DDX1: variants seen among roughly 807,000 people sequenced by gnomAD.
The protein encoded by DDX1 is DEAD-box helicase 1.
A neutral mutation model predicts 108.7 loss-of-function variants in DDX1; 28 were observed. The observed-to-expected ratio is 0.26, with a 90% CI of 0.19 to 0.35. The LOEUF (loss-of-function observed/expected upper bound fraction) is 0.35. Among genes scored for constraint, DDX1 ranks in the 10% least tolerant of loss-of-function variants. The pLI is 1.00. For missense variants in DDX1, 710 were observed against 884.5 expected (o/e 0.80, Z 2.50); for synonymous variants, 295 against 288.9 (o/e 1.02, Z -0.21).
At chr2:15,597,950 T>G (rs951628170) in intron 5 of DDX1, among the ~76,000 whole-genome samples, 1 of 152,154 alleles carries the variant, frequency 6.6e-6, no homozygotes, top group Non-Finnish European at 1.5e-5. Flanking sequence ...TTGTTTCTTA[T>G]GTGCAGTCCT....
chr2:15,605,715 A>G (rs7575749), intron 10 of DDX1, among the ~76,000 whole-genome samples: 100,203 of 152,026 alleles, frequency 0.66, 34,090 homozygotes, highest in East Asian at 0.89. Flanking sequence ...ATATGCTTTG[A>G]AATGTCTAAT....
At chr2:15,625,614 A>G (rs1666088181) in intron 19 of DDX1, among the ~76,000 whole-genome samples, 1 of 152,162 alleles carries the variant, frequency 6.6e-6, no homozygotes, top group Admixed American at 6.5e-5. Context: ...TAATTGTTGA[A>G]TCTAGGTGGT....
At chr2:15,619,802 A>G (rs1450701665) in intron 16 of DDX1, among the ~76,000 whole-genome samples, 1 of 152,190 alleles carries the variant, frequency 6.6e-6, no homozygotes, top group African/African-American at 2.4e-5. Context: ...GATTATTAGT[A>G]CTGTTGCCTG....
intron 18 of DDX1, among the ~76,000 whole-genome samples, chr2:15,622,891 A>G (rs1287057878): frequency 6.6e-6 from 1 of 152,194 alleles, no homozygotes; most frequent in Non-Finnish European, 1.5e-5. Flanking sequence ...ACAGCTTCAC[A>G]CTGAAAAATA....
chr2:15,610,887 T>A (rs1665740716), intron 13 of DDX1, among the ~76,000 whole-genome samples: 1 of 151,776 alleles, frequency 6.6e-6, no homozygotes, highest in Admixed American at 6.6e-5. Context: ...TTTTATTTTT[T>A]AATTTATTTA....
At chr2:15,606,950 A>G (rs1266279891) in intron 12 of DDX1, among the ~76,000 whole-genome samples, 1 of 152,170 alleles carries the variant, frequency 6.6e-6, no homozygotes, top group African/African-American at 2.4e-5. Context: ...GGGCCGCCCA[A>G]AGTGCTAGGA....
intron 5 of DDX1, 30 bp downstream of exon 5, chr2:15,597,501 A>G: frequency 5.1e-6 from 7 of 1,382,448 alleles, no homozygotes; most frequent in Non-Finnish European, 7.1e-6. Context: ...ATTTCCTTTT[A>G]TATAAATCAT....
Position 15,627,035 on chromosome 2 carries a change from T to C in DDX1, c.1595-19T>C. The C allele has an allele frequency of 1.3e-6, 2 of 1,548,606 alleles. No homozygotes were observed. The highest frequency in any genetic ancestry group is 1.8e-6 in the Non-Finnish European group (2 of 1,128,454). ...CAGAAGATTTTCCAAGGTTAAATGC[T>C]TAATGTGCTTTTCACTAGGACCTGA... On this transcript the variant is annotated intron_variant, in intron 19 of 25. Coordinates refer to ENST00000233084, the MANE Select transcript of DDX1 (RefSeq NM_004939.3).
intron 13 of DDX1, among the ~76,000 whole-genome samples, chr2:15,610,423 TAG>T (rs1470027006): frequency 2.0e-5 from 3 of 152,252 alleles, no homozygotes; most frequent in Non-Finnish European, 4.4e-5. Context: ...GTGATACATT[TAG>T]AGTTAATTTC....
chr2:15,615,587 G>A lies in DDX1; in HGVS notation c.1018-1657G>A, dbSNP rs558137059. 1.2e-3 allele frequency among the ~76,000 whole-genome samples: 176 copies of A among 152,294 alleles called. 1 individual carries two copies. The South Asian group carries it at 0.013, about 11-fold the overall frequency. On this transcript the variant is annotated intron_variant, in intron 14 of 25. Coordinates refer to ENST00000233084, the MANE Select transcript of DDX1 (RefSeq NM_004939.3). ...CAGTGCAGATGAAACAATAGCTTCA[G>A]AAATGTCTGCTTTATTTTTCATGGG...
chr2:15,612,407 A>T (rs1033397300), intron 13 of DDX1, among the ~76,000 whole-genome samples: 3 of 142,352 alleles, frequency 2.1e-5, no homozygotes, highest in Admixed American at 2.1e-4. Flanking sequence ...CCTAGATGGG[A>T]TGGCGGCCGG....
intron 13 of DDX1, among the ~76,000 whole-genome samples, chr2:15,611,439 C>T (rs1246725234): frequency 6.8e-6 from 1 of 147,842 alleles, no homozygotes; most frequent in African/African-American, 2.6e-5. Context: ...CAGAGGGGCT[C>T]CTCACCTCCC....
chr2:15,631,070 G>C lies in DDX1; in HGVS notation c.*164G>C. On this transcript the variant is annotated 3_prime_UTR_variant, in exon 26 of 26. Transcript: ENST00000233084. ...AGTCTTAGGAATTCTTCAAAAAATG[G>C]CATCCCAATGAAAATAAATTTGATG... is the stretch of plus-strand genomic sequence containing the variant. The C allele has an allele frequency of 1.9e-6, 1 of 535,970 alleles. No homozygotes were observed. Among genetic ancestry groups the C allele is most frequent in the Non-Finnish European group, 3.0e-6 (1 of 329,438 alleles). The allele number at this position is 535,970 out of a possible 1,614,324, so 33.2% of individuals were successfully genotyped here.
intron 20 of DDX1, among the ~76,000 whole-genome samples, chr2:15,628,123 TTC>T (rs1377045744): frequency 6.6e-6 from 1 of 152,206 alleles, no homozygotes; most frequent in East Asian, 1.9e-4. Flanking sequence ...GTACATTGTA[TTC>T]TGTTTTGTCT....
At chr2:15,616,808 A>G (rs1024651413) in intron 14 of DDX1, among the ~76,000 whole-genome samples, 2 of 152,198 alleles carry the variant, frequency 1.3e-5, no homozygotes, top group African/African-American at 2.4e-5. Flanking sequence ...TTATCTCTTA[A>G]TTATCACAAC....
Position 15,613,886 on chromosome 2 carries a change from G to A in DDX1, c.1017+602G>A, listed in dbSNP as rs868205490. ...AGTTTCACTCTTGTCGCCCAGGCTGGAGTGCCATGACATGTTCTCGGCTCA... is the reference window on the plus strand; with the variant it reads ...AGTTTCACTCTTGTCGCCCAGGCTGAAGTGCCATGACATGTTCTCGGCTCA... On this transcript the variant is annotated intron_variant, in intron 14 of 25. Transcript: ENST00000233084. Among the ~76,000 whole-genome samples the A allele has an allele frequency of 3.3e-5, 5 of 150,376 alleles. No homozygotes were observed. The East Asian group carries it at 5.9e-4, about 18-fold the overall frequency.
In DDX1 at chr2:15,595,166, T is replaced by A. The variant is rs201230296; in HGVS notation, c.38T>A (p.Ile13Asn). The change falls in exon 2 of 26, where the codon ATT becomes AAT. Residue 13 changes from isoleucine to asparagine, a missense_variant. By Grantham distance (149) the Ile-to-Asn change is moderately radical. Coordinates refer to ENST00000233084, the MANE Select transcript of DDX1 (RefSeq NM_004939.3). ...TCAGAGATGGGTGTAATGCCTGAGA[T>A]TGCACAAGCTGTGGAAGAGATGGAT... ...AFSEMGVMPE[I>N]AQAVEEMDWL... The A allele has an allele frequency of 6.2e-7, 1 of 1,612,188 alleles. No individual in the cohort carries two copies. Among genetic ancestry groups the A allele is most frequent in the Admixed American group, 1.7e-5 (1 of 59,676 alleles).
At chr2:15,617,820 A>C (rs1665926248) in intron 15 of DDX1, among the ~76,000 whole-genome samples, 1 of 152,116 alleles carries the variant, frequency 6.6e-6, no homozygotes, top group African/African-American at 2.4e-5. Flanking sequence ...CTTCCAAATC[A>C]TTTTCAGGTT....
intron 16 of DDX1, 43 bp from the exon 17 acceptor site, chr2:15,620,165 T>C (rs1400980954): frequency 6.6e-7 from 1 of 1,507,300 alleles, no homozygotes. Context: ...TTATTAATTA[T>C]TATTATAAAA....
Sources: allele counts gnomAD v4.1 joint callset (sites outside exome capture counted in the v4.1 genomes callset), GRCh38; gene constraint gnomAD v4.1.1; transcripts MANE v1.5; gene names NCBI Gene and HGNC (gene_info 2026-07-23, HGNC 2026-07-21).